The following TENM3 variants were observed in gnomAD, a reference collection of about 807,000 sequenced individuals.
TENM3 encodes teneurin-3.
A neutral mutation model predicts 255.1 loss-of-function variants in TENM3; 63 were observed. The ratio of observed to expected loss-of-function variants is 0.25; its 90% CI spans 0.20 to 0.30. TENM3 has a LOEUF of 0.30. Ranked by LOEUF, TENM3 falls within the 10% of genes least tolerant of loss-of-function variation. TENM3 has a pLI of 1.00. For missense variants in TENM3, 2,929 were observed against 3,461.1 expected, an observed-to-expected ratio of 0.85 and a Z score of 3.86; for synonymous variants, 1,306 against 1,322.3, an observed-to-expected ratio of 0.99 and a Z score of 0.27.
At chr4:182,066,228 T>C in the TENM3 span, among the ~76,000 whole-genome samples, 10 of 152,292 alleles carry the variant, frequency 6.6e-5, no homozygotes, top group African/African-American at 1.9e-4. Flanking sequence ...TTCATTTGCA[T>C]TTTTCTAACA....
At position 182,769,550 on chromosome 4, in the gene TENM3, G is replaced by A. The variant is rs549817542; in HGVS notation, c.4893-3922G>A. ...TGTAATCCCAGCACTTTGGGAGGCCGAGGCGGGAGGATCACGAGGTCAGGA... is the reference window on the plus strand; with the variant it reads ...TGTAATCCCAGCACTTTGGGAGGCCAAGGCGGGAGGATCACGAGGTCAGGA... On this transcript the variant is annotated intron_variant, in intron 22 of 27. Transcript: ENST00000511685. Among the ~76,000 whole-genome samples the A allele has an allele frequency of 9.9e-5, 15 of 152,178 alleles. No homozygotes were observed. In the South Asian group the frequency reaches 1.9e-3, roughly 19 times the overall value.
the TENM3 span, among the ~76,000 whole-genome samples, chr4:181,880,675 TA>T: frequency 1.3e-5 from 2 of 152,074 alleles, no homozygotes; most frequent in Non-Finnish European, 2.9e-5. Context: ...TAGTAGCTGC[TA>T]AAAAAAATTA....
the TENM3 span, among the ~76,000 whole-genome samples, chr4:181,837,385 T>A: frequency 1.3e-5 from 2 of 152,216 alleles, no homozygotes; most frequent in Admixed American, 6.5e-5. Flanking sequence ...TTTTTTTCAT[T>A]ATGAATGAAT....
chr4:181,839,753 A>C, the TENM3 span, among the ~76,000 whole-genome samples: 1 of 151,548 alleles, frequency 6.6e-6, no homozygotes, highest in African/African-American at 2.4e-5. Flanking sequence ...AATTCAGGGG[A>C]TATCCTAACT....
At chr4:182,486,313 T>TGGGGG (rs1365628121) in intron 3 of TENM3, among the ~76,000 whole-genome samples, 3 of 12,130 alleles carry the variant, frequency 2.5e-4, no homozygotes, top group East Asian at 6.1e-3. Context: ...TTTAATTGTG[T>TGGGGG]GTGGGGGGGA....
chr4:182,179,655 CTG>C (rs1752723313), intron 1 of TENM3, among the ~76,000 whole-genome samples: 1 of 152,122 alleles, frequency 6.6e-6, no homozygotes, highest in Admixed American at 6.6e-5. Flanking sequence ...TGCTCTGAAA[CTG>C]TCATTTCCCT....
chr4:182,000,998 TTTCC>T, the TENM3 span, among the ~76,000 whole-genome samples: 22 of 71,768 alleles, frequency 3.1e-4, no homozygotes, highest in Middle Eastern at 9.3e-3. Flanking sequence ...GGCAGTTTTC[TTTCC>T]TTTTTTTTTT....
the TENM3 span, among the ~76,000 whole-genome samples, chr4:181,831,714 A>G: frequency 6.6e-6 from 1 of 152,222 alleles, no homozygotes; most frequent in African/African-American, 2.4e-5. Flanking sequence ...AGCTTTGTAG[A>G]GAACAGATTC....
At chr4:182,094,160 C>T in the TENM3 span, among the ~76,000 whole-genome samples, 1 of 152,044 alleles carries the variant, frequency 6.6e-6, no homozygotes, top group African/African-American at 2.4e-5. Flanking sequence ...TCAGAGCAAG[C>T]TGCCATACTC....
chr4:181,520,174 T>C, the TENM3 span, among the ~76,000 whole-genome samples: 2 of 152,188 alleles, frequency 1.3e-5, no homozygotes, highest in Admixed American at 6.5e-5. Flanking sequence ...TGAGAAGCCA[T>C]AAAGGCCTTA....
chr4:181,976,532 C>T, the TENM3 span: 1 of 152,202 alleles, frequency 6.6e-6, no homozygotes, highest in Non-Finnish European at 1.5e-5. Flanking sequence ...AGGATGCAAT[C>T]CTACCTGTAA....
Position 182,680,864 on chromosome 4 carries a change from G to A in TENM3, c.1834+127G>A, listed in dbSNP as rs913969669. Reference sequence around the variant, plus strand: ...TTGAAAGCAATTTTGAAAAATCCATGTTTATGAATGCATTGTTTTACTAAC... The same window carrying A: ...TTGAAAGCAATTTTGAAAAATCCATATTTATGAATGCATTGTTTTACTAAC... On this transcript the variant is annotated intron_variant, in intron 10 of 27. Transcript: ENST00000511685. 162 of 613,800 alleles carry A rather than the reference G, an allele frequency of 2.6e-4. 1 individual carries two copies. The South Asian group carries it at 3.7e-3, about 14-fold the overall frequency. The allele number at this position is 613,800 out of a possible 1,614,324, so 38.0% of individuals were successfully genotyped here.
chr4:182,233,740 G>A (rs1265621260), intron 1 of TENM3, among the ~76,000 whole-genome samples: 1 of 152,194 alleles, frequency 6.6e-6, no homozygotes, highest in Non-Finnish European at 1.5e-5. Flanking sequence ...CAATGTCCTA[G>A]GTGACAAGAT....
chr4:182,687,573 C>T (rs1756682240), intron 11 of TENM3, among the ~76,000 whole-genome samples: 1 of 152,128 alleles, frequency 6.6e-6, no homozygotes, highest in African/African-American at 2.4e-5. Flanking sequence ...GTCAACTGTA[C>T]AAATTTACTG....
the TENM3 span, among the ~76,000 whole-genome samples, chr4:182,075,322 C>A: frequency 6.6e-6 from 1 of 151,894 alleles, no homozygotes; most frequent in East Asian, 1.9e-4. Context: ...CCTCAGCCTC[C>A]TGAGTAGCTG....
At chr4:182,363,437 A>C (rs1766180022) in intron 3 of TENM3, among the ~76,000 whole-genome samples, 1 of 152,004 alleles carries the variant, frequency 6.6e-6, no homozygotes, top group African/African-American at 2.4e-5. Flanking sequence ...ATATATATGC[A>C]TGTTTATAGT....
chr4:182,362,507 G>A (rs933542002), intron 3 of TENM3, among the ~76,000 whole-genome samples: 1 of 152,130 alleles, frequency 6.6e-6, no homozygotes, highest in Non-Finnish European at 1.5e-5. Flanking sequence ...AGACTCCATG[G>A]GTGTAGGACC....
chr4:182,545,118 C>T (rs1170655023), intron 3 of TENM3, among the ~76,000 whole-genome samples: 1 of 152,068 alleles, frequency 6.6e-6, no homozygotes, highest in Non-Finnish European at 1.5e-5. Flanking sequence ...AGTTTTTAGT[C>T]AAGGTGATTT....
the TENM3 span, among the ~76,000 whole-genome samples, chr4:181,593,665 G>A: frequency 6.6e-6 from 1 of 152,268 alleles, no homozygotes; most frequent in East Asian, 1.9e-4. Context: ...GTACTTTGCT[G>A]CTACTGTATA....
Sources: allele counts gnomAD v4.1 joint callset (sites outside exome capture counted in the v4.1 genomes callset), GRCh38; gene constraint gnomAD v4.1.1; transcripts MANE v1.5; gene names NCBI Gene and HGNC (gene_info 2026-07-23, HGNC 2026-07-21).